RGS8: variants seen among roughly 807,000 people sequenced by gnomAD.
RGS8 encodes regulator of G-protein signaling 8.
A neutral mutation model predicts 21.7 loss-of-function variants in RGS8; 8 were observed. That is an observed-to-expected ratio of 0.37 (90% confidence interval 0.22 to 0.66). The LOEUF (loss-of-function observed/expected upper bound fraction) is 0.66. Ranked by LOEUF, RGS8 falls within the 30% of genes least tolerant of loss-of-function variation. The pLI is 0.59. For missense variants in RGS8, 157 were observed against 217.9 expected, an observed-to-expected ratio of 0.72 and a Z score of 1.76; for synonymous variants, 80 against 83.6, an observed-to-expected ratio of 0.96 and a Z score of 0.24.
At chr1:182,734,512 CTTCTT>C in the RGS8 span, 1 of 152,190 alleles carries the variant, frequency 6.6e-6, no homozygotes, top group Non-Finnish European at 1.5e-5. Flanking sequence ...CGGTTGTAAA[CTTCTT>C]TTCAAGATCT....
At chr1:182,703,285 C>T in the RGS8 span, among the ~76,000 whole-genome samples, 3 of 152,308 alleles carry the variant, frequency 2.0e-5, no homozygotes, top group East Asian at 5.8e-4. Context: ...CAAACCAGAA[C>T]CTTCCCTGGA....
chr1:182,685,154 C>T (rs1157652513), upstream of RGS8, among the ~76,000 whole-genome samples: 8 of 151,818 alleles, frequency 5.3e-5, no homozygotes, highest in African/African-American at 1.9e-4. Context: ...TGTCATTTGT[C>T]ACCCTCTGCT....
the RGS8 span, among the ~76,000 whole-genome samples, chr1:182,729,363 C>T: frequency 6.6e-6 from 1 of 152,202 alleles, no homozygotes; most frequent in African/African-American, 2.4e-5. Context: ...ATATAGATAT[C>T]TCTTTCACTA....
At chr1:182,742,424 G>A in the RGS8 span, among the ~76,000 whole-genome samples, 3 of 151,826 alleles carry the variant, frequency 2.0e-5, no homozygotes, top group Admixed American at 6.6e-5. Flanking sequence ...CCGAGATCAC[G>A]CCACTGCACT....
chr1:182,752,269 A>G, the RGS8 span, among the ~76,000 whole-genome samples: 4 of 152,168 alleles, frequency 2.6e-5, no homozygotes, highest in African/African-American at 9.7e-5. Context: ...CCTAGCAGCC[A>G]CAGGAGTCGG....
At chr1:182,687,825 T>A (rs761335983), upstream of RGS8, among the ~76,000 whole-genome samples, 2 of 152,132 alleles carry the variant, frequency 1.3e-5, no homozygotes, top group Non-Finnish European at 2.9e-5. Flanking sequence ...CAGAACCAAC[T>A]GAACCAATAC....
chr1:182,668,605 T>A (rs1663990116), intron 3 of RGS8, among the ~76,000 whole-genome samples: 1 of 152,222 alleles, frequency 6.6e-6, no homozygotes, highest in African/African-American at 2.4e-5. Flanking sequence ...CTCCTAGGGC[T>A]GGAACATCCA....
At chr1:182,683,072 AT>A (rs1230663101) in intron 1 of RGS8, among the ~76,000 whole-genome samples, 1 of 152,250 alleles carries the variant, frequency 6.6e-6, no homozygotes, top group Non-Finnish European at 1.5e-5. Context: ...GAAGGATGTG[AT>A]ACCCAAGGGA....
At chr1:182,712,041 C>T in the RGS8 span, among the ~76,000 whole-genome samples, 1 of 152,164 alleles carries the variant, frequency 6.6e-6, no homozygotes, top group Non-Finnish European at 1.5e-5. Context: ...AACTTATTTA[C>T]TCCCCTACAA....
the RGS8 span, among the ~76,000 whole-genome samples, chr1:182,708,250 CTGTT>C: frequency 1.6e-3 from 250 of 152,296 alleles, 1 homozygote; most frequent in Admixed American, 0.015. Flanking sequence ...CTGCTTCCCT[CTGTT>C]TGTCTTCCAC....
chr1:182,658,473 GAAC>G (rs1418819897), intron 5 of RGS8: 1 of 152,132 alleles, frequency 6.6e-6, no homozygotes, highest in Admixed American at 6.5e-5. Flanking sequence ...TTGTATCCCC[GAAC>G]AACTGGAGAA....
chr1:182,655,311 G>A (rs887058214), intron 5 of RGS8, among the ~76,000 whole-genome samples: 1 of 152,214 alleles, frequency 6.6e-6, no homozygotes, highest in African/African-American at 2.4e-5. Context: ...GGCAAGACAA[G>A]GAGGCCACAA....
chr1:182,691,379 C>A, the RGS8 span, among the ~76,000 whole-genome samples: 1 of 152,058 alleles, frequency 6.6e-6, no homozygotes, highest in South Asian at 2.1e-4. Context: ...GAAATGAAAT[C>A]TGGGCTTTAT....
At chr1:182,642,804 G>A (rs1662523692), downstream of RGS8, 1 of 152,206 alleles carries the variant, frequency 6.6e-6, no homozygotes, top group African/African-American at 2.4e-5. Context: ...GACCAAAGAG[G>A]GAATGGTGAG....
chr1:182,724,315 A>G, the RGS8 span, among the ~76,000 whole-genome samples: 1 of 148,174 alleles, frequency 6.7e-6, no homozygotes, highest in Admixed American at 6.8e-5. Context: ...GAAAAAGGAA[A>G]AAGGACAGAA....
At chr1:182,695,354 T>G in the RGS8 span, among the ~76,000 whole-genome samples, 1 of 152,184 alleles carries the variant, frequency 6.6e-6, no homozygotes. Context: ...AACTCACATT[T>G]CGCAGAACAC....
chr1:182,662,250 C>G (rs1269901291), intron 5 of RGS8, among the ~76,000 whole-genome samples: 2 of 152,146 alleles, frequency 1.3e-5, no homozygotes, highest in African/African-American at 4.8e-5. Context: ...GCACCATAGT[C>G]CCTCTTCTGG....
the RGS8 span, among the ~76,000 whole-genome samples, chr1:182,727,313 G>A: frequency 1.5e-3 from 224 of 152,298 alleles, 1 homozygote; most frequent in African/African-American, 5.2e-3. Flanking sequence ...ACTGTTGGGA[G>A]AATTAAATGA....
At chr1:182,674,471 T>C (rs143574348), upstream of RGS8, among the ~76,000 whole-genome samples, 655 of 152,244 alleles carry the variant, frequency 4.3e-3, 3 homozygotes, top group African/African-American at 0.015. Context: ...CCAAGCTTTT[T>C]TTTTCTAATC....
Sources: allele counts gnomAD v4.1 joint callset (sites outside exome capture counted in the v4.1 genomes callset), GRCh38; gene constraint gnomAD v4.1.1; transcripts MANE v1.5; gene names NCBI Gene and HGNC (gene_info 2026-07-23, HGNC 2026-07-21).